Variants in EYS observed in about 807,000 individuals in gnomAD.
EYS encodes protein eyes shut homolog.
A neutral mutation model predicts 282.1 loss-of-function variants in EYS; 250 were observed. That is an observed-to-expected ratio of 0.89 (90% CI 0.80 to 0.98). The LOEUF is 0.98. Among genes scored for constraint, EYS ranks in the 50% least tolerant of loss-of-function variants. The probability of loss-of-function intolerance (pLI) is 0.00; values close to 1 mark genes in which losing one functional copy is unlikely to be tolerated. For missense variants in EYS, 4,016 were observed against 3,709.0 expected, an observed-to-expected ratio of 1.08 and a Z score of -2.15; for synonymous variants, 1,355 against 1,282.9, an observed-to-expected ratio of 1.06 and a Z score of -1.20.
At chr6:64,581,054 T>G (rs1437312412) in intron 26 of EYS, among the ~76,000 whole-genome samples, 1 of 151,990 alleles carries the variant, frequency 6.6e-6, no homozygotes, top group East Asian at 1.9e-4. Context: ...TGAAACACAA[T>G]AAATAGTACA....
chr6:64,686,961 A>G (rs886238621), intron 22 of EYS, among the ~76,000 whole-genome samples: 11 of 147,190 alleles, frequency 7.5e-5, no homozygotes, highest in Admixed American at 1.4e-4. Context: ...ATAGATATAT[A>G]ATTTTATTCT....
At chr6:65,586,000 G>A (rs1328219255) in intron 2 of EYS, among the ~76,000 whole-genome samples, 3 of 151,914 alleles carry the variant, frequency 2.0e-5, no homozygotes, top group Non-Finnish European at 4.4e-5. Flanking sequence ...CATAGAAGGA[G>A]GAAAATCAAT....
chr6:64,714,602 T>G lies in EYS; in HGVS notation c.3444-88357A>C, dbSNP rs182159656. Among the ~76,000 whole-genome samples the G allele has an allele frequency of 6.4e-3, 955 of 148,340 alleles. 8 individuals are homozygous for G. The highest frequency in any genetic ancestry group is 0.011 in the Non-Finnish European group (763 of 67,604). On this transcript the variant is annotated intron_variant, in intron 22 of 42. Coordinates refer to ENST00000503581, the MANE Select transcript of EYS (RefSeq NM_001142800.2). ...GTGCAGTGGCGCAATCTCGGCTCAC[T>G]GCAAGCTCCGCCTCCCGGGTTCACA...
At chr6:64,464,440 A>C (rs1235560292) in intron 26 of EYS, among the ~76,000 whole-genome samples, 1 of 152,172 alleles carries the variant, frequency 6.6e-6, no homozygotes, top group African/African-American at 2.4e-5. Flanking sequence ...AGTCCAAGCC[A>C]AAGTAATTAG....
chr6:64,249,651 T>A (rs1277915533), intron 30 of EYS, among the ~76,000 whole-genome samples: 3 of 152,126 alleles, frequency 2.0e-5, no homozygotes, highest in African/African-American at 7.2e-5. Flanking sequence ...TAGTAATCAA[T>A]GGACTTGAAG....
chr6:63,953,802 A>G lies in EYS; in HGVS notation c.7055+30581T>C, dbSNP rs116083094. On this transcript the variant is annotated intron_variant, in intron 35 of 42. Transcript: ENST00000503581. ...ACACAGCTGAAATACAGGGCTGTGC[A>G]ATCAGAATTCTTACACAAGAGCTGG... Among the ~76,000 whole-genome samples, 134 of 152,268 alleles carry G rather than the reference A, an allele frequency of 8.8e-4. 1 individual carries two copies. Among genetic ancestry groups the G allele is most frequent in the African/African-American group, 3.1e-3 (130 of 41,562 alleles).
chr6:65,148,859 C>A (rs2150213755), intron 12 of EYS, among the ~76,000 whole-genome samples: 2 of 152,226 alleles, frequency 1.3e-5, no homozygotes, highest in African/African-American at 2.4e-5. Flanking sequence ...CACATGGAAG[C>A]CACCAAAGCT....
At chr6:63,927,504 G>T (rs554778103) in intron 35 of EYS, among the ~76,000 whole-genome samples, 1 of 152,180 alleles carries the variant, frequency 6.6e-6, no homozygotes, top group Non-Finnish European at 1.5e-5. Flanking sequence ...AATGTCACTC[G>T]AATTGAGATG....
At chr6:64,372,138 T>TTTG (rs1772397475) in intron 29 of EYS, among the ~76,000 whole-genome samples, 1 of 24,222 alleles carries the variant, frequency 4.1e-5, no homozygotes, top group African/African-American at 8.9e-5. Context: ...GTGTTTTTTT[T>TTTG]TTTTTTTTTT....
Position 64,839,802 on chromosome 6 carries a change from A to C in EYS, c.2993-16980T>G, listed in dbSNP as rs560283084. Reference sequence around the variant, plus strand: ...GAACCCTGTGTTCTCACATAATAGAAGGGATGGAAGGACAAATAGGAAGGG... The same window carrying C: ...GAACCCTGTGTTCTCACATAATAGACGGGATGGAAGGACAAATAGGAAGGG... On this transcript the variant is annotated intron_variant, in intron 19 of 42. Coordinates refer to ENST00000503581, the MANE Select transcript of EYS (RefSeq NM_001142800.2). 1.2e-4 allele frequency among the ~76,000 whole-genome samples: 19 copies of C among 152,144 alleles called. No individual in the cohort carries two copies. The South Asian group carries it at 3.9e-3, about 32-fold the overall frequency.
At chr6:65,280,474 C>A (rs1768185956) in intron 12 of EYS, among the ~76,000 whole-genome samples, 1 of 152,026 alleles carries the variant, frequency 6.6e-6, no homozygotes, top group African/African-American at 2.4e-5. Context: ...TATTTGAGCA[C>A]CCTGACGTTT....
At chr6:64,381,670 T>C (rs1319446933) in intron 29 of EYS, among the ~76,000 whole-genome samples, 3 of 152,244 alleles carry the variant, frequency 2.0e-5, no homozygotes, top group Non-Finnish European at 4.4e-5. Flanking sequence ...TCTCCTTATA[T>C]ATACATCAAA....
chr6:64,478,628 G>T (rs1286103544), intron 26 of EYS, among the ~76,000 whole-genome samples: 5 of 150,578 alleles, frequency 3.3e-5, no homozygotes, highest in African/African-American at 1.2e-4. Context: ...TCTACACTGT[G>T]TCAGATAATT....
At chr6:63,872,954 G>T (rs1037305294) in intron 35 of EYS, among the ~76,000 whole-genome samples, 18 of 151,720 alleles carry the variant, frequency 1.2e-4, no homozygotes, top group South Asian at 2.1e-4. Flanking sequence ...AAGTGGGCAT[G>T]GAGAGAAATA....
chr6:63,964,649 T>TC (rs1315028017), intron 35 of EYS, among the ~76,000 whole-genome samples: 25 of 152,298 alleles, frequency 1.6e-4, no homozygotes, highest in African/African-American at 5.8e-4. Flanking sequence ...ACTTTATAAT[T>TC]TAGCTCTGAG....
chr6:65,622,430 T>G (rs913868271), intron 2 of EYS, among the ~76,000 whole-genome samples: 2 of 152,052 alleles, frequency 1.3e-5, no homozygotes, highest in Non-Finnish European at 2.9e-5. Context: ...CTTAGACATG[T>G]TTTCCATTAT....
At chr6:63,831,557 A>G (rs1582254465) in intron 36 of EYS, among the ~76,000 whole-genome samples, 1 of 152,204 alleles carries the variant, frequency 6.6e-6, no homozygotes, top group East Asian at 1.9e-4. Context: ...GAGTACCCAG[A>G]TTCATAAAGC....
At chr6:64,606,580 A>G (rs770919099) in intron 24 of EYS, among the ~76,000 whole-genome samples, 3 of 152,102 alleles carry the variant, frequency 2.0e-5, no homozygotes, top group African/African-American at 4.8e-5. Flanking sequence ...ATCATTAGAA[A>G]CATTAAGTTG....
chr6:64,394,611 A>T (rs1331483676), intron 28 of EYS, among the ~76,000 whole-genome samples: 1 of 151,904 alleles, frequency 6.6e-6, no homozygotes, highest in East Asian at 1.9e-4. Flanking sequence ...CCTTCCTTAC[A>T]CCTTATACAA....
Sources: allele counts gnomAD v4.1 joint callset (sites outside exome capture counted in the v4.1 genomes callset), GRCh38; gene constraint gnomAD v4.1.1; transcripts MANE v1.5; gene names NCBI Gene and HGNC (gene_info 2026-07-23, HGNC 2026-07-21).